The following PDIA5 variants were observed in gnomAD, a reference collection of about 807,000 sequenced individuals.
PDIA5 encodes the protein protein disulfide isomerase family A member 5.
PDIA5 carries 58 observed loss-of-function variants against 77.6 expected under a neutral mutation model. The ratio of observed to expected loss-of-function variants is 0.75; its 90% CI spans 0.61 to 0.93. The LOEUF (loss-of-function observed/expected upper bound fraction) is 0.93, where lower values mean the gene tolerates loss of function less well. Among genes scored for constraint, PDIA5 ranks in the 40% least tolerant of loss-of-function variants. PDIA5 has a pLI of 0.00. For missense variants in PDIA5, 630 were observed against 647.7 expected (o/e 0.97, Z 0.30); for synonymous variants, 250 against 252.1 (o/e 0.99, Z 0.08).
At chr3:123,122,423 C>T (rs1197977284) in intron 8 of PDIA5, among the ~76,000 whole-genome samples, 1 of 152,096 alleles carries the variant, frequency 6.6e-6, no homozygotes, top group East Asian at 1.9e-4. Context: ...GTATTATTTG[C>T]TGCATCCTAA....
chr3:123,160,081 G>T (rs765589266), intron 15 of PDIA5, among the ~76,000 whole-genome samples: 1 of 152,174 alleles, frequency 6.6e-6, no homozygotes, highest in South Asian at 2.1e-4. Context: ...TACAGCAGAC[G>T]CTTGATAACT....
At chr3:123,078,257 A>C (rs1933907749) in intron 1 of PDIA5, among the ~76,000 whole-genome samples, 1 of 152,226 alleles carries the variant, frequency 6.6e-6, no homozygotes, top group African/African-American at 2.4e-5. Flanking sequence ...GAGGCGAGAC[A>C]GTTCAGCTAG....
chr3:123,112,204 C>A (rs529855779), intron 7 of PDIA5, among the ~76,000 whole-genome samples: 2 of 152,296 alleles, frequency 1.3e-5, no homozygotes, highest in South Asian at 4.1e-4. Context: ...CTGCATCGGC[C>A]CTTCACGAAG....
chr3:123,089,360 G>A (rs1195424101), intron 2 of PDIA5, 66 bp downstream of exon 2: 3 of 1,523,490 alleles, frequency 2.0e-6, no homozygotes, highest in Non-Finnish European at 2.7e-6. Context: ...GGAAGGAGTG[G>A]GAGGCAGGAG....
At chr3:123,153,908 A>T (rs1935965444) in intron 14 of PDIA5, among the ~76,000 whole-genome samples, 1 of 152,352 alleles carries the variant, frequency 6.6e-6, no homozygotes, top group Middle Eastern at 3.4e-3. Flanking sequence ...CCCGAGGCTG[A>T]GGGAGGCTGG....
rs368370894 is a variant in PDIA5 at position 123,124,280 on chromosome 3, G to A, written c.710G>A (p.Arg237Gln). The A allele has an allele frequency of 1.9e-5, 30 of 1,612,416 alleles. No individual in the cohort carries two copies. Among genetic ancestry groups the A allele is most frequent in the African/African-American group, 5.3e-5 (4 of 74,894 alleles). ...TTCTCCACGTTTCACAGGAAAGGAC[G>A]GTTCTTGTTCCAGTATGACAACTAT... ...FPTICYFEKG[R>Q]FLFQYDNYGS... Residue 237 changes from arginine (R) to glutamine (Q), a missense_variant, in exon 10 of 17, where the codon CGG becomes CAG. Physicochemically the swap from Arg to Gln is conservative, Grantham distance 43. Transcript: ENST00000316218.
chr3:123,156,574 CTG>C (rs1576468460), intron 15 of PDIA5, among the ~76,000 whole-genome samples: 1 of 152,350 alleles, frequency 6.6e-6, no homozygotes, highest in East Asian at 1.9e-4. Context: ...AGCTGCCACT[CTG>C]TATTGACGTC....
At chr3:123,086,631 G>A (rs1226184258) in intron 1 of PDIA5, among the ~76,000 whole-genome samples, 1 of 152,156 alleles carries the variant, frequency 6.6e-6, no homozygotes, top group African/African-American at 2.4e-5. Context: ...CTCCGTCGTT[G>A]CTCTGTTCTG....
intron 13 of PDIA5, among the ~76,000 whole-genome samples, chr3:123,149,766 C>T (rs1216407401): frequency 6.6e-6 from 1 of 152,190 alleles, no homozygotes; most frequent in Non-Finnish European, 1.5e-5. Context: ...TAAGGTTGCA[C>T]AGCTGGTAAG....
intron 3 of PDIA5, among the ~76,000 whole-genome samples, chr3:123,093,650 C>T (rs898636700): frequency 4.6e-5 from 7 of 152,192 alleles, no homozygotes; most frequent in African/African-American, 1.7e-4. Flanking sequence ...TGAGAATACG[C>T]AGATGGATAA....
chr3:123,124,506 G>A (rs940949278), intron 10 of PDIA5, among the ~76,000 whole-genome samples, 163 bp downstream of exon 10: 4 of 152,174 alleles, frequency 2.6e-5, no homozygotes, highest in African/African-American at 4.8e-5. Context: ...AGGCCACTGT[G>A]GGGATTGTGG....
intron 1 of PDIA5, among the ~76,000 whole-genome samples, chr3:123,071,035 C>T (rs1461617539): frequency 1.3e-5 from 2 of 152,006 alleles, no homozygotes; most frequent in Non-Finnish European, 2.9e-5. Context: ...GGGGTTACAG[C>T]ATCCCTTTGA....
At chr3:123,144,139 C>T (rs1207149046) in intron 11 of PDIA5, among the ~76,000 whole-genome samples, 1 of 152,166 alleles carries the variant, frequency 6.6e-6, no homozygotes, top group African/African-American at 2.4e-5. Context: ...GGAGCTTTCA[C>T]CCCTGCCGGG....
chr3:123,128,840 T>C (rs1032216779), intron 10 of PDIA5, among the ~76,000 whole-genome samples: 2 of 152,228 alleles, frequency 1.3e-5, no homozygotes, highest in South Asian at 2.1e-4. Context: ...CCAGTTTCTT[T>C]TATGTTCTTA....
At chr3:123,151,114 C>T (rs1354396478) in intron 14 of PDIA5, among the ~76,000 whole-genome samples, 7 of 152,204 alleles carry the variant, frequency 4.6e-5, no homozygotes, top group Admixed American at 2.6e-4. Context: ...TTGGCTCCCC[C>T]GTCCCCACCT....
chr3:123,089,998 CTG>C (rs945227711), intron 2 of PDIA5, among the ~76,000 whole-genome samples: 1 of 152,196 alleles, frequency 6.6e-6, no homozygotes, highest in African/African-American at 2.4e-5. Flanking sequence ...GTGTTTTTTG[CTG>C]CTTCTAAGGA....
chr3:123,117,942 A>G (rs1184997086), intron 8 of PDIA5, among the ~76,000 whole-genome samples: 1 of 152,214 alleles, frequency 6.6e-6, no homozygotes, highest in African/African-American at 2.4e-5. Flanking sequence ...TCTTTCATGA[A>G]AGGTTATCAA....
Position 123,127,958 on chromosome 3 carries a change from C to T in PDIA5, c.774-2522C>T, listed in dbSNP as rs541710647. ...GAGAGCCCAGTCTTCAAGGAGCTCA[C>T]GGCCTGGGGTAGGCGGGGAGTGAAA... On this transcript the variant is annotated intron_variant, in intron 10 of 16. Coordinates refer to ENST00000316218, the MANE Select transcript of PDIA5 (RefSeq NM_006810.4). Among the ~76,000 whole-genome samples the T allele has an allele frequency of 7.9e-5, 12 of 152,268 alleles. No homozygotes were observed. The South Asian group carries it at 1.7e-3, about 21-fold the overall frequency.
At chr3:123,102,652 G>A (rs1048689643) in intron 4 of PDIA5, 99 bp from the exon 5 acceptor site, 23 of 1,160,174 alleles carry the variant, frequency 2.0e-5, no homozygotes, top group South Asian at 7.8e-5. Context: ...CCTGAACTCC[G>A]TTCAAAAGCT....
Sources: gnomAD v4.1 joint callset for allele counts (sites outside exome capture counted in the v4.1 genomes callset) on GRCh38, gnomAD v4.1.1 for gene constraint, MANE v1.5 for transcripts, NCBI Gene and HGNC (gene_info 2026-07-23, HGNC 2026-07-21) for gene names.